Variants in DLGAP2 observed in about 807,000 individuals in gnomAD.
DLGAP2 encodes DLG associated protein 2, also known as disks large-associated protein 2.
Under a neutral mutation model 100.3 loss-of-function variants are expected in DLGAP2, and 26 were observed. The ratio of observed to expected loss-of-function variants is 0.26; its 90% CI spans 0.19 to 0.36. The LOEUF (loss-of-function observed/expected upper bound fraction) is 0.36. Ranked by LOEUF, DLGAP2 falls within the 10% of genes least tolerant of loss-of-function variation. The pLI, the probability that DLGAP2 is intolerant of heterozygous loss-of-function variation, is 1.00. For missense variants in DLGAP2, 1,858 were observed against 1,453.2 expected (o/e 1.28, Z -4.53); for synonymous variants, 886 against 630.1 (o/e 1.41, Z -6.08).
At chr8:1,617,184 C>CA (rs1177284094) in intron 6 of DLGAP2, among the ~76,000 whole-genome samples, 1 of 152,144 alleles carries the variant, frequency 6.6e-6, no homozygotes, top group Non-Finnish European at 1.5e-5. Context: ...AATAGTGCTG[C>CA]AATGAATGTG....
At chr8:1,095,963 A>G (rs1263934796) in intron 2 of DLGAP2, among the ~76,000 whole-genome samples, 2 of 152,258 alleles carry the variant, frequency 1.3e-5, no homozygotes, top group African/African-American at 4.8e-5. Flanking sequence ...ATTTTAGAGA[A>G]CTGAATATTT....
In DLGAP2 at chr8:1,372,088, T is replaced by C. The variant is rs145596046; in HGVS notation, c.106+113205T>C. 2.6e-3 allele frequency among the ~76,000 whole-genome samples: 398 copies of C among 152,206 alleles called. 4 individuals are homozygous for C. The highest frequency in any genetic ancestry group is 9.2e-3 in the African/African-American group (384 of 41,542). ...CTCAGGCACCTGCCAGGTGATGGGG[T>C]GGGCAGCTGGGGACAGCTCTGGGAC... On this transcript the variant is annotated intron_variant, in intron 3 of 14. Transcript: ENST00000637795.
At chr8:1,433,615 G>T (rs1797523497) in intron 3 of DLGAP2, among the ~76,000 whole-genome samples, 1 of 143,292 alleles carries the variant, frequency 7.0e-6, no homozygotes, top group South Asian at 2.3e-4. Context: ...AGCCAACGCA[G>T]CTGACCGACT....
In DLGAP2 at chr8:1,267,688, C is replaced by T. The variant is rs187749176; in HGVS notation, c.106+8805C>T. On this transcript the variant is annotated intron_variant, in intron 3 of 14. Coordinates refer to ENST00000637795, the MANE Select transcript of DLGAP2 (RefSeq NM_001346810.2). ...CTCAGACACCATTTCCGTGATGAGA[C>T]GCCCACGTCCTCCGTGTCGCTGGCC... Among the ~76,000 whole-genome samples the T allele has an allele frequency of 4.6e-5, 7 of 152,092 alleles. No homozygotes were observed. In the East Asian group the frequency reaches 7.7e-4, roughly 17 times the overall value.
chr8:1,570,732 G>T (rs1271459872), intron 6 of DLGAP2, among the ~76,000 whole-genome samples: 1 of 150,238 alleles, frequency 6.7e-6, no homozygotes, highest in South Asian at 2.1e-4. Flanking sequence ...TAAACTGGAG[G>T]GACATCTTCT....
At chr8:860,682 A>G (rs1413677023) in intron 1 of DLGAP2, among the ~76,000 whole-genome samples, 1 of 152,206 alleles carries the variant, frequency 6.6e-6, no homozygotes, top group East Asian at 1.9e-4. Flanking sequence ...TAAAGATGAT[A>G]AATGTCCTTT....
intron 1 of DLGAP2, among the ~76,000 whole-genome samples, chr8:741,206 T>A (rs1446789606): frequency 6.6e-6 from 1 of 152,224 alleles, no homozygotes; most frequent in Non-Finnish European, 1.5e-5. Flanking sequence ...CTAGGGAAGT[T>A]AAGCAGATGG....
chr8:1,193,287 C>T (rs1221003010), intron 2 of DLGAP2, among the ~76,000 whole-genome samples: 1 of 152,210 alleles, frequency 6.6e-6, no homozygotes, highest in African/African-American at 2.4e-5. Flanking sequence ...ACTGTCCCAC[C>T]AACAGTGTAA....
At chr8:1,336,732 T>G (rs915842546) in intron 3 of DLGAP2, among the ~76,000 whole-genome samples, 2 of 152,234 alleles carry the variant, frequency 1.3e-5, no homozygotes, top group Non-Finnish European at 2.9e-5. Flanking sequence ...ATGCATTCAG[T>G]GACCTCTCAG....
chr8:1,665,359 C>G (rs945490346), intron 8 of DLGAP2, among the ~76,000 whole-genome samples: 6 of 152,144 alleles, frequency 3.9e-5, no homozygotes, highest in African/African-American at 1.4e-4. Flanking sequence ...ATTTTCTGGG[C>G]AGGTCACTAA....
chr8:1,189,781 G>T (rs1400703815), intron 2 of DLGAP2, among the ~76,000 whole-genome samples: 2 of 152,182 alleles, frequency 1.3e-5, no homozygotes, highest in Non-Finnish European at 2.9e-5. Flanking sequence ...GCCTGCCTGG[G>T]CCACTTCCAT....
rs190658261 is a variant in DLGAP2, at chr8:1,207,001, C to G, written c.74-51850C>G. 2.8e-3 allele frequency among the ~76,000 whole-genome samples: 434 copies of G among 152,320 alleles called. 2 individuals are homozygous for G. Among genetic ancestry groups the G allele is most frequent in the African/African-American group, 1.0e-2 (414 of 41,572 alleles). ...TGCCCACCCTCCCAGAGAGGCTCCT[C>G]CTGTCCCCACCACACACAGAGCTCA... On this transcript the variant is annotated intron_variant, in intron 2 of 14. Transcript: ENST00000637795.
intron 2 of DLGAP2, among the ~76,000 whole-genome samples, chr8:1,153,544 C>T (rs1029147295): frequency 2.0e-5 from 3 of 152,072 alleles, no homozygotes; most frequent in Non-Finnish European, 4.4e-5. Flanking sequence ...TGGTGCCCAC[C>T]GAGTTAATTA....
intron 1 of DLGAP2, among the ~76,000 whole-genome samples, chr8:847,644 C>G (rs558952957): frequency 6.6e-5 from 10 of 152,106 alleles, no homozygotes; most frequent in African/African-American, 2.4e-4. Context: ...GTAGCTGGGA[C>G]TATAGGCGCA....
intron 2 of DLGAP2, among the ~76,000 whole-genome samples, chr8:977,657 A>T (rs1363070784): frequency 6.6e-6 from 1 of 152,238 alleles, no homozygotes; most frequent in Non-Finnish European, 1.5e-5. Flanking sequence ...TGTGAAATAT[A>T]ATTAGAACAT....
At chr8:1,607,837 T>TA (rs1339281668) in intron 6 of DLGAP2, among the ~76,000 whole-genome samples, 2 of 151,042 alleles carry the variant, frequency 1.3e-5, no homozygotes, top group Admixed American at 6.6e-5. Context: ...CAGACCGGCT[T>TA]AAAAAACGGC....
chr8:1,342,172 C>T (rs1801433222), intron 3 of DLGAP2, among the ~76,000 whole-genome samples: 1 of 152,004 alleles, frequency 6.6e-6, no homozygotes, highest in African/African-American at 2.4e-5. Flanking sequence ...GGTCTCAATA[C>T]CTGGTCTCAA....
At chr8:1,075,935 C>G (rs983245964) in intron 2 of DLGAP2, among the ~76,000 whole-genome samples, 2 of 152,026 alleles carry the variant, frequency 1.3e-5, no homozygotes, top group African/African-American at 2.4e-5. Flanking sequence ...GAAAAAAGAC[C>G]CGAAAAATCA....
intron 2 of DLGAP2, among the ~76,000 whole-genome samples, chr8:1,211,073 T>C (rs1429949789): frequency 6.6e-6 from 1 of 152,194 alleles, no homozygotes; most frequent in South Asian, 2.1e-4. Flanking sequence ...CATGTGGAGA[T>C]CAAGTGAGGA....
Sources: gnomAD v4.1 joint callset for allele counts (sites outside exome capture counted in the v4.1 genomes callset) on GRCh38, gnomAD v4.1.1 for gene constraint, MANE v1.5 for transcripts, NCBI Gene and HGNC (gene_info 2026-07-23, HGNC 2026-07-21) for gene names.